The following JAZF1 variants were observed in gnomAD, a reference collection of about 807,000 sequenced individuals.
JAZF1 encodes the protein juxtaposed with another zinc finger protein 1.
In JAZF1, 8 loss-of-function variants were observed where a neutral mutation model predicts 26.4. The observed-to-expected ratio is 0.30, with a 90% confidence interval of 0.18 to 0.55. The LOEUF is 0.55. JAZF1 is among the 20% of genes least tolerant of loss of function. JAZF1 has a pLI of 0.94. For synonymous variants in JAZF1, 126 were observed against 122.3 expected (o/e 1.03, Z -0.20); for missense variants, 199 against 322.0 (o/e 0.62, Z 2.92).
At chr7:28,014,482 TG>T (rs1294942461) in intron 1 of JAZF1, among the ~76,000 whole-genome samples, 1 of 152,202 alleles carries the variant, frequency 6.6e-6, no homozygotes, top group East Asian at 1.9e-4. Context: ...ATGCTGTTGT[TG>T]TGACAGTGAA....
intron 2 of JAZF1, among the ~76,000 whole-genome samples, chr7:27,946,072 G>A (rs575988006): frequency 3.3e-5 from 5 of 152,266 alleles, no homozygotes; most frequent in African/African-American, 9.6e-5. Context: ...TAGAATAAAG[G>A]CTAATATAAG....
intron 1 of JAZF1, among the ~76,000 whole-genome samples, chr7:28,026,687 T>C (rs921859398): frequency 3.9e-5 from 6 of 152,198 alleles, no homozygotes; most frequent in African/African-American, 9.7e-5. Flanking sequence ...GTTATAAAAA[T>C]AGACCCAATT....
intron 1 of JAZF1, among the ~76,000 whole-genome samples, chr7:28,100,440 TAAC>T (rs1389260346): frequency 6.6e-6 from 1 of 151,918 alleles, no homozygotes; most frequent in Non-Finnish European, 1.5e-5. Context: ...TATATAATAA[TAAC>T]AAGATATAAT....
intron 1 of JAZF1, among the ~76,000 whole-genome samples, chr7:28,074,722 T>C (rs1042978269): frequency 2.6e-5 from 4 of 152,206 alleles, no homozygotes; most frequent in African/African-American, 9.6e-5. Flanking sequence ...TTCTCATTAA[T>C]GAAGACAACC....
intron 1 of JAZF1, among the ~76,000 whole-genome samples, chr7:28,084,658 G>A (rs73302940): frequency 1.3e-5 from 2 of 152,200 alleles, no homozygotes. Context: ...ACCCCACAGC[G>A]GGCAAGCAGC....
chr7:27,888,064 G>GAATATA (rs1053894570), intron 3 of JAZF1, among the ~76,000 whole-genome samples: 2 of 152,114 alleles, frequency 1.3e-5, no homozygotes, highest in African/African-American at 4.8e-5. Flanking sequence ...CACAGGCGGA[G>GAATATA]AATATAGCAA....
At position 27,832,728 on chromosome 7, in the gene JAZF1, T is replaced by C. The variant is rs1480483457; in HGVS notation, c.*72A>G. 37 of 1,275,770 alleles carry C rather than the reference T, an allele frequency of 2.9e-5. No individual in the cohort carries two copies. Among genetic ancestry groups the C allele is most frequent in the Non-Finnish European group, 3.9e-5 (37 of 947,824 alleles). 79.0% of individuals were successfully genotyped at this position (1,275,770 alleles called of 1,614,324 possible). On this transcript the variant is annotated 3_prime_UTR_variant, in exon 5 of 5. Coordinates refer to ENST00000283928, the MANE Select transcript of JAZF1 (RefSeq NM_175061.4). ...TTAAAGGGTTGCTGAATGCTTCCCC[T>C]GAAAAAAGGTGGCTGTTTTCAAAAT...
rs556473608 is a variant in JAZF1, at chr7:27,831,968, CAG to C, written c.*830_*831del. 1.4e-5 allele frequency: 3 copies of C among 220,084 alleles called. No individual in the cohort carries two copies. The highest frequency in any genetic ancestry group is 6.7e-5 in the African/African-American group (3 of 44,710). 13.6% of individuals were successfully genotyped at this position (220,084 alleles called of 1,614,324 possible). ...TGAAGTATTTCAAAGTCTTTTCTAACAGATTTCAGGGAAAAAAGTATTTCACT... is the reference window on the plus strand; with the variant it reads ...TGAAGTATTTCAAAGTCTTTTCTAACATTTCAGGGAAAAAAGTATTTCACT... On this transcript the variant is annotated 3_prime_UTR_variant, in exon 5 of 5. Transcript: ENST00000283928.
intron 2 of JAZF1, among the ~76,000 whole-genome samples, chr7:27,917,352 G>C (rs1273117004): frequency 1.3e-5 from 2 of 152,098 alleles, no homozygotes; most frequent in Non-Finnish European, 2.9e-5. Flanking sequence ...TTCTCCTCAG[G>C]TTTCACTGGC....
At chr7:27,846,713 G>A (rs1783038509) in intron 3 of JAZF1, among the ~76,000 whole-genome samples, 1 of 152,086 alleles carries the variant, frequency 6.6e-6, no homozygotes, top group African/African-American at 2.4e-5. Flanking sequence ...GCTTAGTGAT[G>A]CGCACCTTTT....
intron 2 of JAZF1, among the ~76,000 whole-genome samples, chr7:27,952,737 C>G (rs1785031819): frequency 6.6e-6 from 1 of 152,196 alleles, no homozygotes; most frequent in South Asian, 2.1e-4. Context: ...CAGATGTTAT[C>G]AAATTTCATC....
intron 1 of JAZF1, among the ~76,000 whole-genome samples, chr7:28,100,468 G>C (rs1254368424): frequency 6.6e-6 from 1 of 151,918 alleles, no homozygotes; most frequent in African/African-American, 2.4e-5. Flanking sequence ...ATTAAATGAG[G>C]AGGTCTCCAT....
At chr7:28,105,923 G>A (rs1169734407) in intron 1 of JAZF1, among the ~76,000 whole-genome samples, 4 of 152,158 alleles carry the variant, frequency 2.6e-5, no homozygotes, top group African/African-American at 9.7e-5. Flanking sequence ...AAGCTATTTT[G>A]CATTTGGACT....
chr7:27,967,172 T>A (rs773274634), intron 2 of JAZF1, among the ~76,000 whole-genome samples: 2 of 152,174 alleles, frequency 1.3e-5, no homozygotes, highest in Non-Finnish European at 2.9e-5. Context: ...GGGAAAGAAA[T>A]TCAACTAGCT....
intron 3 of JAZF1, chr7:27,844,522 C>T (rs1782983273): frequency 6.6e-6 from 1 of 152,212 alleles, no homozygotes; most frequent in African/African-American, 2.4e-5. Context: ...CAAGCTTTTA[C>T]TCCTGCACTT....
At chr7:27,836,787 T>C (rs1261765882) in intron 4 of JAZF1, among the ~76,000 whole-genome samples, 1 of 152,176 alleles carries the variant, frequency 6.6e-6, no homozygotes, top group African/African-American at 2.4e-5. Flanking sequence ...TCCAGCAAGT[T>C]GGGTGGGGTC....
intron 1 of JAZF1, among the ~76,000 whole-genome samples, chr7:28,138,979 A>G (rs1367187926): frequency 1.3e-5 from 2 of 148,868 alleles, no homozygotes; most frequent in Non-Finnish European, 3.0e-5. Flanking sequence ...GAACTGGCTA[A>G]TTAATTAGGT....
At chr7:28,129,373 C>T (rs944803678) in intron 1 of JAZF1, among the ~76,000 whole-genome samples, 8 of 152,074 alleles carry the variant, frequency 5.3e-5, no homozygotes, top group Admixed American at 1.3e-4. Context: ...AACTGCACAT[C>T]AGAATCACTT....
At chr7:28,132,564 A>G (rs4722760) in intron 1 of JAZF1, among the ~76,000 whole-genome samples, 50,493 of 152,054 alleles carry the variant, frequency 0.33, 10,621 homozygotes, top group East Asian at 0.97. Flanking sequence ...GGAGCTACAC[A>G]TAAGGAAGCA....
Sources: allele counts gnomAD v4.1 joint callset (sites outside exome capture counted in the v4.1 genomes callset), GRCh38; gene constraint gnomAD v4.1.1; transcripts MANE v1.5; gene names NCBI Gene and HGNC (gene_info 2026-07-23, HGNC 2026-07-21).